Variants in CNTRL observed in about 807,000 individuals in gnomAD.
CNTRL encodes the protein 110 kDa centrosomal protein.
In CNTRL, 233 loss-of-function variants were observed where a neutral mutation model predicts 303.7. The ratio of observed to expected loss-of-function variants is 0.77; its 90% CI spans 0.69 to 0.86. The LOEUF (loss-of-function observed/expected upper bound fraction) is 0.86. CNTRL is among the 40% of genes least tolerant of loss of function. CNTRL has a pLI of 0.00. For synonymous variants in CNTRL, 900 were observed against 922.2 expected (o/e 0.98, Z 0.44); for missense variants, 2,524 against 2,650.6 (o/e 0.95, Z 1.05).
chr9:121,085,266 G>C (rs1248701372), intron 2 of CNTRL, among the ~76,000 whole-genome samples: 1 of 152,200 alleles, frequency 6.6e-6, no homozygotes, highest in African/African-American at 2.4e-5. Context: ...TGACTGGAAG[G>C]GGGCATGAGA....
intron 25 of CNTRL, among the ~76,000 whole-genome samples, chr9:121,150,946 T>G (rs1336310515): frequency 6.6e-6 from 1 of 152,258 alleles, no homozygotes; most frequent in Non-Finnish European, 1.5e-5. Flanking sequence ...TGCCTGTACT[T>G]GTACACATAC....
rs764814367 is a variant in CNTRL, at chr9:121,146,262, A to T, written c.3459+6A>T. The T allele has an allele frequency of 1.9e-6, 3 of 1,601,836 alleles. No homozygotes were observed. The South Asian group carries it at 3.4e-5, about 18-fold the overall frequency. ...CACCACCACCATCATCAAAAGTAGGAATTCTGTGGTGTTGGGAATGTATAC... is the reference window on the plus strand; with the variant it reads ...CACCACCACCATCATCAAAAGTAGGTATTCTGTGGTGTTGGGAATGTATAC... On this transcript the variant is annotated splice_donor_region_variant and intron_variant, in intron 23 of 43. Coordinates refer to ENST00000373855, the MANE Select transcript of CNTRL (RefSeq NM_007018.6).
intron 15 of CNTRL, among the ~76,000 whole-genome samples, chr9:121,137,311 A>G (rs2051251541): frequency 6.6e-6 from 1 of 152,154 alleles, no homozygotes; most frequent in Non-Finnish European, 1.5e-5. Flanking sequence ...GGTATTTATC[A>G]TGCATATGAT....
chr9:121,117,844 T>C (rs2050049327), intron 11 of CNTRL, among the ~76,000 whole-genome samples: 1 of 151,908 alleles, frequency 6.6e-6, no homozygotes, highest in South Asian at 2.1e-4. Context: ...CTGGGCGTGG[T>C]AGTGGGCGCC....
chr9:121,124,999 G>A (rs1341166391), intron 13 of CNTRL, among the ~76,000 whole-genome samples: 8 of 151,254 alleles, frequency 5.3e-5, no homozygotes, highest in African/African-American at 1.5e-4. Context: ...CACATAGTGC[G>A]TATCCAGTAC....
intron 12 of CNTRL, among the ~76,000 whole-genome samples, chr9:121,119,106 G>GTGTC (rs1554747357): frequency 6.7e-6 from 1 of 149,040 alleles, no homozygotes; most frequent in South Asian, 2.1e-4. Flanking sequence ...GTGTGTGTGT[G>GTGTC]TATACACACA....
intron 9 of CNTRL, 50 bp downstream of exon 9, chr9:121,112,628 T>C (rs1300181055): frequency 6.3e-7 from 1 of 1,587,958 alleles, no homozygotes; most frequent in East Asian, 2.2e-5. Flanking sequence ...CCACATGGGA[T>C]GGAATGGGGG....
intron 1 of CNTRL, among the ~76,000 whole-genome samples, chr9:121,079,509 A>G (rs978256583): frequency 3.3e-5 from 5 of 152,320 alleles, no homozygotes; most frequent in East Asian, 3.9e-4. Flanking sequence ...CTCCAAAAAA[A>G]TAAAAATAAA....
intron 7 of CNTRL, among the ~76,000 whole-genome samples, chr9:121,105,348 A>G (rs1299568883): frequency 6.6e-6 from 1 of 152,230 alleles, no homozygotes; most frequent in Non-Finnish European, 1.5e-5. Flanking sequence ...TTTTGGCTCA[A>G]GTAAGTAAGT....
intron 12 of CNTRL, 71 bp from the exon 13 acceptor site, chr9:121,123,860 T>A: frequency 9.0e-7 from 1 of 1,107,020 alleles, no homozygotes; most frequent in Non-Finnish European, 1.2e-6. Flanking sequence ...TTTAAAAATG[T>A]TGTTAAGGGT....
At chr9:121,134,585 G>A (rs1227393642) in intron 14 of CNTRL, among the ~76,000 whole-genome samples, 1 of 152,202 alleles carries the variant, frequency 6.6e-6, no homozygotes, top group Non-Finnish European at 1.5e-5. Flanking sequence ...ATGAGCCACT[G>A]TACCCGGCCC....
intron 9 of CNTRL, 44 bp downstream of exon 9, chr9:121,112,622 A>T (rs1344020221): frequency 1.9e-6 from 3 of 1,587,312 alleles, no homozygotes; most frequent in Non-Finnish European, 2.6e-6. Context: ...TAAAGCCCAC[A>T]TGGGATGGAA....
At chr9:121,104,345 G>C (rs1010043944) in intron 7 of CNTRL, among the ~76,000 whole-genome samples, 1 of 152,100 alleles carries the variant, frequency 6.6e-6, no homozygotes, top group African/African-American at 2.4e-5. Context: ...TGGACACAGG[G>C]TGGGTAACAC....
intron 43 of CNTRL, among the ~76,000 whole-genome samples, chr9:121,176,694 A>G (rs1405426654): frequency 6.6e-6 from 1 of 152,142 alleles, no homozygotes; most frequent in Non-Finnish European, 1.5e-5. Flanking sequence ...AATTATTTAG[A>G]AGTCTGGGGT....
chr9:121,132,586 T>G (rs1051007609), intron 14 of CNTRL, among the ~76,000 whole-genome samples: 4 of 152,210 alleles, frequency 2.6e-5, no homozygotes, highest in African/African-American at 9.6e-5. Flanking sequence ...ACATCGTCCT[T>G]TAGCTTGAAG....
chr9:121,139,640 T>A (rs1257503342), intron 16 of CNTRL, among the ~76,000 whole-genome samples: 1 of 152,214 alleles, frequency 6.6e-6, no homozygotes, highest in African/African-American at 2.4e-5. Context: ...TGGGTCTTAC[T>A]TGAGTTATCA....
intron 40 of CNTRL, among the ~76,000 whole-genome samples, chr9:121,171,943 C>T (rs962510659): frequency 6.6e-6 from 1 of 152,104 alleles, no homozygotes. Flanking sequence ...ATAATGTAGC[C>T]AGGCAGAGAG....
intron 2 of CNTRL, among the ~76,000 whole-genome samples, chr9:121,087,734 G>A (rs912756876): frequency 5.9e-5 from 9 of 152,052 alleles, no homozygotes; most frequent in Non-Finnish European, 1.2e-4. Flanking sequence ...ATGGCATTGG[G>A]AACCATGGGT....
chr9:121,107,830 A>G lies in CNTRL; in HGVS notation c.837A>G (p.Leu279=). 1.3e-6 allele frequency: 2 copies of G among 1,589,016 alleles called. No homozygotes were observed. Among genetic ancestry groups the G allele is most frequent in the Non-Finnish European group, 1.7e-6 (2 of 1,173,082 alleles). ...AGGTAGAAAGACTGGAAAGAGACCT[A>G]GAAAAAAAGATGATAGAAACTGAAG... ...LEEVERLERD[L]EKKMIETEEL... Residue 279 remains leucine, a synonymous_variant, in exon 8 of 44, where the codon CTA becomes CTG. Transcript: ENST00000373855.
Sources: gnomAD v4.1 joint callset for allele counts (sites outside exome capture counted in the v4.1 genomes callset) on GRCh38, gnomAD v4.1.1 for gene constraint, MANE v1.5 for transcripts, NCBI Gene and HGNC (gene_info 2026-07-23, HGNC 2026-07-21) for gene names.